The following NSMCE2 variants were observed in gnomAD, a reference collection of about 807,000 sequenced individuals.
NSMCE2 encodes E3 SUMO-protein ligase NSE2.
NSMCE2 carries 24 observed loss-of-function variants against 23.8 expected under a neutral mutation model. That is an observed-to-expected ratio of 1.01 (90% confidence interval 0.73 to 1.42). The LOEUF is 1.42. Among genes scored for constraint, NSMCE2 ranks in the 40% most tolerant of loss-of-function variants. NSMCE2 has a pLI of 0.00. For synonymous variants in NSMCE2, 92 were observed against 94.1 expected (o/e 0.98, Z 0.13); for missense variants, 284 against 296.5 (o/e 0.96, Z 0.31).
intron 4 of NSMCE2, among the ~76,000 whole-genome samples, chr8:125,174,910 G>A (rs1822404061): frequency 6.6e-6 from 1 of 152,198 alleles, no homozygotes; most frequent in African/African-American, 2.4e-5. Context: ...AGAGTTCAGT[G>A]TAGGTTGTGC....
At chr8:125,110,762 G>GTTTTTTTTTTT (rs1017002301) in intron 3 of NSMCE2, among the ~76,000 whole-genome samples, 5 of 41,814 alleles carry the variant, frequency 1.2e-4, no homozygotes, top group Admixed American at 2.7e-4. Context: ...GGTTGTTGTT[G>GTTTTTTTTTTT]TTTTTTTTTT....
intron 5 of NSMCE2, 199 bp downstream of exon 5, chr8:125,182,455 A>G: frequency 1.7e-6 from 1 of 583,484 alleles, no homozygotes; most frequent in Non-Finnish European, 3.0e-6. Context: ...TCTGAAAGCC[A>G]ACAGTTTCCA....
At chr8:125,344,952 A>G (rs1452633218) in intron 5 of NSMCE2, among the ~76,000 whole-genome samples, 3 of 151,862 alleles carry the variant, frequency 2.0e-5, no homozygotes, top group Admixed American at 6.6e-5. Context: ...TCAGATATCT[A>G]TACTTCTCCA....
chr8:125,175,415 T>A (rs1427433174), intron 4 of NSMCE2, among the ~76,000 whole-genome samples: 1 of 152,208 alleles, frequency 6.6e-6, no homozygotes, highest in Non-Finnish European at 1.5e-5. Flanking sequence ...CTTAGAGTAC[T>A]AGTACTAAGC....
chr8:125,244,879 A>T (rs897682901), intron 5 of NSMCE2, among the ~76,000 whole-genome samples: 1 of 152,258 alleles, frequency 6.6e-6, no homozygotes, highest in Non-Finnish European at 1.5e-5. Flanking sequence ...CTCAAAGCTT[A>T]AACTAATAAC....
At chr8:125,168,330 T>C (rs1822000830) in intron 4 of NSMCE2, among the ~76,000 whole-genome samples, 1 of 152,164 alleles carries the variant, frequency 6.6e-6, no homozygotes, top group African/African-American at 2.4e-5. Flanking sequence ...AAGGAAACAC[T>C]GGGAGGAGGA....
At chr8:125,169,714 T>C (rs1822078232) in intron 4 of NSMCE2, among the ~76,000 whole-genome samples, 1 of 147,210 alleles carries the variant, frequency 6.8e-6, no homozygotes, top group African/African-American at 2.7e-5. Flanking sequence ...ACGAGATCTT[T>C]CTAAAGTGAA....
chr8:125,196,115 C>T (rs1308771695), intron 5 of NSMCE2, among the ~76,000 whole-genome samples: 4 of 151,580 alleles, frequency 2.6e-5, no homozygotes, highest in African/African-American at 7.3e-5. Flanking sequence ...ACCTCCTGAC[C>T]TTATGTGATC....
chr8:125,279,904 C>T (rs541292517), intron 5 of NSMCE2, among the ~76,000 whole-genome samples: 1 of 152,248 alleles, frequency 6.6e-6, no homozygotes, highest in South Asian at 2.1e-4. Context: ...ACTTAGTAAC[C>T]CCAGCGCAGT....
intron 4 of NSMCE2, among the ~76,000 whole-genome samples, chr8:125,158,868 T>C (rs1414757356): frequency 6.6e-6 from 1 of 152,180 alleles, no homozygotes; most frequent in African/African-American, 2.4e-5. Context: ...TCAGTAAATG[T>C]TAAAATTCAG....
chr8:125,217,388 T>C lies in NSMCE2; in HGVS notation c.418+35132T>C, dbSNP rs1353781185. On this transcript the variant is annotated intron_variant, in intron 5 of 7. Coordinates refer to ENST00000287437, the MANE Select transcript of NSMCE2 (RefSeq NM_173685.4). ...TTTATTTATTTATTTTGAGATGGAG[T>C]CTTGCTGTGTCACCCAGGCTGAAGT... is the stretch of plus-strand genomic sequence containing the variant. 2.0e-5 allele frequency among the ~76,000 whole-genome samples: 3 copies of C among 152,064 alleles called. No homozygotes were observed. The East Asian group carries it at 5.8e-4, about 29-fold the overall frequency.
intron 3 of NSMCE2, among the ~76,000 whole-genome samples, chr8:125,144,039 A>G (rs748287112): frequency 8.5e-5 from 13 of 152,182 alleles, no homozygotes; most frequent in Non-Finnish European, 1.6e-4. Flanking sequence ...TGGACGTGAT[A>G]GGGAAAAGAG....
intron 5 of NSMCE2, among the ~76,000 whole-genome samples, chr8:125,308,461 G>A (rs1248021838): frequency 6.6e-6 from 1 of 152,104 alleles, no homozygotes; most frequent in Non-Finnish European, 1.5e-5. Context: ...ACGCTGTTCT[G>A]GTTACTACCA....
chr8:125,187,252 C>T (rs1435002589), intron 5 of NSMCE2, among the ~76,000 whole-genome samples: 1 of 152,110 alleles, frequency 6.6e-6, no homozygotes, highest in Non-Finnish European at 1.5e-5. Flanking sequence ...CAAGATTGAT[C>T]GAAGATAACT....
At chr8:125,098,009 A>T (rs1460174450) in intron 1 of NSMCE2, among the ~76,000 whole-genome samples, 1 of 152,190 alleles carries the variant, frequency 6.6e-6, no homozygotes, top group Non-Finnish European at 1.5e-5. Context: ...AAGGTGAAGC[A>T]TGCCTGGGTT....
intron 5 of NSMCE2, among the ~76,000 whole-genome samples, chr8:125,326,130 G>A (rs6651235): frequency 0.1 from 15,453 of 151,186 alleles, 865 homozygotes; most frequent in Non-Finnish European, 0.13. Context: ...GGTGGCAGGC[G>A]CCTGTAGTCC....
At chr8:125,335,225 G>C (rs529367614) in intron 5 of NSMCE2, among the ~76,000 whole-genome samples, 2 of 152,252 alleles carry the variant, frequency 1.3e-5, no homozygotes, top group South Asian at 4.2e-4. Flanking sequence ...AGGAGGTATG[G>C]GAAGCAGCTC....
chr8:125,266,869 GA>G (rs1433159087), intron 5 of NSMCE2, among the ~76,000 whole-genome samples: 1 of 152,202 alleles, frequency 6.6e-6, no homozygotes, highest in East Asian at 1.9e-4. Context: ...GAGGAAGAAG[GA>G]GAGATGTTCA....
At chr8:125,168,121 AT>A (rs577001374) in intron 4 of NSMCE2, among the ~76,000 whole-genome samples, 2 of 151,228 alleles carry the variant, frequency 1.3e-5, no homozygotes, top group Admixed American at 6.6e-5. Flanking sequence ...GAAAGATTTT[AT>A]TTTTTTTTGT....
Sources: allele counts gnomAD v4.1 joint callset (sites outside exome capture counted in the v4.1 genomes callset), GRCh38; gene constraint gnomAD v4.1.1; transcripts MANE v1.5; gene names NCBI Gene and HGNC (gene_info 2026-07-23, HGNC 2026-07-21).